Variants in GNAQ observed in about 807,000 individuals in gnomAD.
GNAQ encodes G protein subunit alpha q.
GNAQ carries 8 observed loss-of-function variants against 43.9 expected under a neutral mutation model. That is an observed-to-expected ratio of 0.18 (90% confidence interval 0.11 to 0.33). The LOEUF is 0.33. Among genes scored for constraint, GNAQ ranks in the 10% least tolerant of loss-of-function variants. GNAQ has a pLI of 1.00. For synonymous variants in GNAQ, 155 were observed against 170.7 expected, an observed-to-expected ratio of 0.91 and a Z score of 0.71; for missense variants, 158 against 450.8, an observed-to-expected ratio of 0.35 and a Z score of 5.88.
At chr9:77,895,807 A>G (rs1828491647) in intron 2 of GNAQ, among the ~76,000 whole-genome samples, 1 of 152,116 alleles carries the variant, frequency 6.6e-6, no homozygotes, top group African/African-American at 2.4e-5. Context: ...ATAATGGTGA[A>G]TGGGTCTCAT....
chr9:77,756,227 A>G (rs1276106600), intron 5 of GNAQ, among the ~76,000 whole-genome samples: 1 of 151,546 alleles, frequency 6.6e-6, no homozygotes, highest in African/African-American at 2.4e-5. Context: ...TCCTTAATAA[A>G]CTCCCCGTTA....
chr9:77,901,949 G>T (rs1428110548), intron 2 of GNAQ, among the ~76,000 whole-genome samples: 1 of 152,118 alleles, frequency 6.6e-6, no homozygotes, highest in East Asian at 1.9e-4. Flanking sequence ...TTTATAGGAG[G>T]ACTAATCCCC....
chr9:77,897,186 G>A (rs2118138249), intron 2 of GNAQ, among the ~76,000 whole-genome samples: 1 of 152,374 alleles, frequency 6.6e-6, no homozygotes, highest in South Asian at 2.1e-4. Context: ...TAGGCTAACA[G>A]ACGACTATGA....
intron 5 of GNAQ, among the ~76,000 whole-genome samples, chr9:77,759,293 T>C (rs1317240035): frequency 6.6e-6 from 1 of 152,212 alleles, no homozygotes; most frequent in African/African-American, 2.4e-5. Flanking sequence ...TTTAGCAAAC[T>C]ATTATTTTTT....
At chr9:77,873,490 T>C (rs1012697342) in intron 2 of GNAQ, among the ~76,000 whole-genome samples, 7 of 152,230 alleles carry the variant, frequency 4.6e-5, no homozygotes, top group Non-Finnish European at 8.8e-5. Context: ...ATCTCCTTAC[T>C]GTAAACAATG....
At chr9:77,762,804 A>C (rs1346703483) in intron 5 of GNAQ, among the ~76,000 whole-genome samples, 1 of 152,138 alleles carries the variant, frequency 6.6e-6, no homozygotes, top group Non-Finnish European at 1.5e-5. Flanking sequence ...TTAACCCCCA[A>C]CCCTGTGCTC....
intron 2 of GNAQ, among the ~76,000 whole-genome samples, chr9:77,868,428 C>G (rs1196159197): frequency 2.0e-5 from 3 of 152,150 alleles, no homozygotes; most frequent in Admixed American, 2.0e-4. Flanking sequence ...AATAAGGAAG[C>G]AGTTTATTAA....
chr9:77,722,335 C>CAT (rs1825329335), intron 6 of GNAQ, among the ~76,000 whole-genome samples: 1 of 151,910 alleles, frequency 6.6e-6, no homozygotes, highest in Admixed American at 6.6e-5. Context: ...CAAGGTTTTG[C>CAT]CATGTTGGCC....
intron 5 of GNAQ, among the ~76,000 whole-genome samples, chr9:77,748,252 T>A (rs1472409656): frequency 1.3e-5 from 2 of 152,242 alleles, no homozygotes; most frequent in Non-Finnish European, 2.9e-5. Flanking sequence ...CTCATTTCTC[T>A]TTAGGTAGTA....
intron 1 of GNAQ, among the ~76,000 whole-genome samples, chr9:77,926,348 T>C (rs1829072697): frequency 6.6e-6 from 1 of 152,194 alleles, no homozygotes; most frequent in African/African-American, 2.4e-5. Context: ...AAAATTATGT[T>C]GTTTCCTAAG....
chr9:77,875,227 TAAAC>T (rs1587380062), intron 2 of GNAQ, among the ~76,000 whole-genome samples: 1 of 152,192 alleles, frequency 6.6e-6, no homozygotes, highest in Non-Finnish European at 1.5e-5. Flanking sequence ...AGAATGAAAT[TAAAC>T]AACACAATTT....
At chr9:77,959,934 A>G (rs1823087492) in intron 1 of GNAQ, among the ~76,000 whole-genome samples, 1 of 152,160 alleles carries the variant, frequency 6.6e-6, no homozygotes, top group South Asian at 2.1e-4. Context: ...GTAAAACCTA[A>G]ATTGTGGAAG....
At chr9:77,721,619 T>C in intron 6 of GNAQ, 106 bp from the exon 7 acceptor site, 1 of 719,642 alleles carries the variant, frequency 1.4e-6, no homozygotes. Context: ...AGCCTACATC[T>C]GCACTGCAGA....
At chr9:77,930,392 AG>A (rs1484719809) in intron 1 of GNAQ, among the ~76,000 whole-genome samples, 1 of 152,218 alleles carries the variant, frequency 6.6e-6, no homozygotes, top group East Asian at 1.9e-4. Flanking sequence ...AAAACAATGT[AG>A]TTTTTAAACA....
chr9:77,909,505 T>C (rs990538100), intron 2 of GNAQ, among the ~76,000 whole-genome samples: 4 of 152,180 alleles, frequency 2.6e-5, no homozygotes, highest in African/African-American at 9.7e-5. Context: ...CAGTACAGTC[T>C]TCTTTTTAGT....
chr9:77,855,413 T>G (rs1001432592), intron 2 of GNAQ, among the ~76,000 whole-genome samples: 1 of 152,126 alleles, frequency 6.6e-6, no homozygotes, highest in Non-Finnish European at 1.5e-5. Context: ...GCTAGAGATA[T>G]AAGCTGTGTT....
chr9:77,927,078 C>T (rs1829081500), intron 1 of GNAQ, among the ~76,000 whole-genome samples: 1 of 152,140 alleles, frequency 6.6e-6, no homozygotes, highest in Admixed American at 6.5e-5. Flanking sequence ...CACACTCTCA[C>T]ACAATCTGAT....
At chr9:77,970,943 G>A (rs1823230229) in intron 1 of GNAQ, among the ~76,000 whole-genome samples, 1 of 151,994 alleles carries the variant, frequency 6.6e-6, no homozygotes, top group Non-Finnish European at 1.5e-5. Context: ...TGATAAAGGG[G>A]ATATCACCAC....
intron 2 of GNAQ, among the ~76,000 whole-genome samples, chr9:77,899,706 A>T (rs564991269): frequency 3.9e-5 from 6 of 152,280 alleles, no homozygotes; most frequent in African/African-American, 1.4e-4. Flanking sequence ...CAGAGGCGAA[A>T]GACAGCAGAG....
Sources: gnomAD v4.1 joint callset for allele counts (sites outside exome capture counted in the v4.1 genomes callset) on GRCh38, gnomAD v4.1.1 for gene constraint, MANE v1.5 for transcripts, NCBI Gene and HGNC (gene_info 2026-07-23, HGNC 2026-07-21) for gene names.